The following USP24 variants were observed in gnomAD, a reference collection of about 807,000 sequenced individuals.
The protein encoded by USP24 is ubiquitin carboxyl-terminal hydrolase 24.
Under a neutral mutation model 361.6 loss-of-function variants are expected in USP24, and 97 were observed. That is an observed-to-expected ratio of 0.27 (90% CI 0.23 to 0.32). The LOEUF (loss-of-function observed/expected upper bound fraction) is 0.32. Among genes scored for constraint, USP24 ranks in the 10% least tolerant of loss-of-function variants. The pLI, the probability that USP24 is intolerant of heterozygous loss-of-function variation, is 1.00. For synonymous variants in USP24, 1,098 were observed against 1,124.6 expected (o/e 0.98, Z 0.47); for missense variants, 2,353 against 3,165.6 (o/e 0.74, Z 6.16).
intron 7 of USP24, among the ~76,000 whole-genome samples, chr1:55,165,425 G>A (rs1158539651): frequency 1.3e-5 from 2 of 151,996 alleles, no homozygotes; most frequent in African/African-American, 4.8e-5. Context: ...ATGATTCTAA[G>A]CTCCCATGTT....
intron 1 of USP24, among the ~76,000 whole-genome samples, chr1:55,203,879 C>T (rs138722924): frequency 6.6e-6 from 1 of 152,124 alleles, no homozygotes; most frequent in African/African-American, 2.4e-5. Flanking sequence ...CAATAGACAC[C>T]TAACATTTTC....
intron 1 of USP24, among the ~76,000 whole-genome samples, chr1:55,185,602 C>G: frequency 1.3e-5 from 2 of 152,154 alleles, no homozygotes; most frequent in Non-Finnish European, 2.9e-5. Context: ...GCTCTGTCAT[C>G]CAGGCTGGAG....
intron 39 of USP24, among the ~76,000 whole-genome samples, chr1:55,109,836 CAA>C (rs1645898650): frequency 6.6e-6 from 1 of 152,218 alleles, no homozygotes; most frequent in East Asian, 1.9e-4. Flanking sequence ...CATGCCGCAA[CAA>C]AGAGTCCCTC....
intron 48 of USP24, 111 bp from the exon 49 acceptor site, chr1:55,097,283 C>A: frequency 8.3e-7 from 1 of 1,198,608 alleles, no homozygotes; most frequent in Non-Finnish European, 1.2e-6. Flanking sequence ...AAGCTAGGAA[C>A]AACTACCTCA....
At chr1:55,189,203 G>GGCATAAAAC (rs1644222121) in intron 1 of USP24, among the ~76,000 whole-genome samples, 1 of 152,118 alleles carries the variant, frequency 6.6e-6, no homozygotes, top group East Asian at 1.9e-4. Context: ...ACGTATACAT[G>GGCATAAAAC]AGTGTTCGTG....
chr1:55,210,893 A>G (rs1644831247), intron 1 of USP24, among the ~76,000 whole-genome samples: 1 of 152,218 alleles, frequency 6.6e-6, no homozygotes, highest in Non-Finnish European at 1.5e-5. Flanking sequence ...TAAGAAAGGT[A>G]TTTCCTCAGT....
Position 55,077,300 on chromosome 1 carries a change from T to C in USP24, c.7315A>G (p.Asn2439Asp). Reference sequence around the variant, plus strand: ...TGAGGTGGAGCCGTTTCTAGTTGGTTCTGAAATATTTTTTAAAAGCATAAA... The same window carrying C: ...TGAGGTGGAGCCGTTTCTAGTTGGTCCTGAAATATTTTTTAAAAGCATAAA... ...FSFTMLHFIK[N>D]QLETAPPHEL... Residue 2439 changes from asparagine to aspartate, a missense_variant and splice_region_variant, in exon 62 of 68, where the codon AAC (asparagine) becomes GAC (aspartate). This residue lies in a region of USP24 where 598 missense variants were observed against 761.9 expected (regional missense o/e 0.78). Transcript: ENST00000294383. 1 of 1,554,944 alleles carries C rather than the reference T, an allele frequency of 6.4e-7. No homozygotes were observed. The highest frequency in any genetic ancestry group is 1.2e-5 in the South Asian group (1 of 83,434).
chr1:55,117,111 A>G (rs1434372469), intron 38 of USP24, among the ~76,000 whole-genome samples: 1 of 152,222 alleles, frequency 6.6e-6, no homozygotes, highest in African/African-American at 2.4e-5. Context: ...CAAAGCAGAA[A>G]AAGCATTTGA....
chr1:55,118,126 C>G (rs1041543516), intron 38 of USP24, among the ~76,000 whole-genome samples: 3 of 152,074 alleles, frequency 2.0e-5, no homozygotes, highest in Admixed American at 2.0e-4. Flanking sequence ...ATAGAAAAAC[C>G]CATTCTAAAA....
intron 55 of USP24, among the ~76,000 whole-genome samples, chr1:55,088,759 C>T (rs1645307334): frequency 6.6e-6 from 1 of 152,078 alleles, no homozygotes; most frequent in Non-Finnish European, 1.5e-5. Flanking sequence ...GTTGAACTTC[C>T]AAGGACAAGA....
At chr1:55,118,298 G>T (rs1646179037) in intron 38 of USP24, among the ~76,000 whole-genome samples, 1 of 152,048 alleles carries the variant, frequency 6.6e-6, no homozygotes, top group South Asian at 2.1e-4. Context: ...TAGAAATATA[G>T]AACTCAAAAA....
intron 1 of USP24, among the ~76,000 whole-genome samples, chr1:55,188,093 A>G (rs76731657): frequency 0.016 from 2,406 of 152,308 alleles, 52 homozygotes; most frequent in African/African-American, 0.054. Flanking sequence ...CCTGGTATTT[A>G]TGGTCAATTA....
Position 55,096,585 on chromosome 1 carries a change from T to C in USP24, c.5974A>G (p.Thr1992Ala), listed in dbSNP as rs759766656. 3.7e-6 allele frequency: 6 copies of C among 1,612,904 alleles called. No homozygotes were observed. In the African/African-American group the frequency reaches 8.0e-5, roughly 22 times the overall value. Residue 1992 changes from threonine to alanine, a missense_variant, in exon 50 of 68, where the codon ACA becomes GCA. Thr to Ala is a moderately conservative substitution (Grantham distance 58, BLOSUM62 0). Around this residue, in one of 8 missense-constraint regions of USP24, gnomAD observed 598 missense variants for 761.9 expected, o/e 0.78. Transcript: ENST00000294383. ...TTTAGGTCAAATTCTTCTATAACTG[T>C]GTCATTAAATTTATACCACTTTCCT... is the stretch of plus-strand genomic sequence containing the variant. ...GKGKWYKFND[T>A]VIEEFDLNDE... is the part of the protein sequence containing the mutation.
intron 61 of USP24, 125 bp from the exon 62 acceptor site, chr1:55,077,425 T>C: frequency 1.5e-6 from 1 of 654,642 alleles, no homozygotes; most frequent in East Asian, 3.1e-5. Context: ...CAATACTGCT[T>C]TCTAGGCCTT....
rs1644860852 is a variant in USP24, at chr1:55,068,670, T to C, written c.*375A>G. 5.0e-6 allele frequency: 1 copy of C among 199,586 alleles called. No individual in the cohort carries two copies. The allele number at this position is 199,586 out of a possible 1,614,324, so 12.4% of individuals were successfully genotyped here. On this transcript the variant is annotated 3_prime_UTR_variant, in exon 68 of 68. Transcript: ENST00000294383. ...AAGCAGCTTGCTTTTTCTTAAAATA[T>C]AAAAACCAAAGGAATTTCTTTTGTA... is the stretch of plus-strand genomic sequence containing the variant.
At chr1:55,119,467 CAAA>C (rs964063736) in intron 38 of USP24, among the ~76,000 whole-genome samples, 2 of 151,820 alleles carry the variant, frequency 1.3e-5, no homozygotes, top group Non-Finnish European at 2.9e-5. Context: ...TTTAGGATGG[CAAA>C]AGAGTTTTGG....
chr1:55,208,665 C>T (rs1263395948), intron 1 of USP24, among the ~76,000 whole-genome samples: 3 of 150,984 alleles, frequency 2.0e-5, no homozygotes, highest in African/African-American at 7.3e-5. Context: ...GCGCTGGGCA[C>T]GGTGGTTCAC....
rs116650523 is a variant in USP24 at position 55,136,354 on chromosome 1, G to A, written c.3201+1161C>T. 3.7e-4 allele frequency among the ~76,000 whole-genome samples: 57 copies of A among 152,264 alleles called. 1 individual carries two copies. Among genetic ancestry groups the A allele is most frequent in the African/African-American group, 1.3e-3 (55 of 41,560 alleles). On this transcript the variant is annotated intron_variant, in intron 28 of 67. Coordinates refer to ENST00000294383, the MANE Select transcript of USP24 (RefSeq NM_015306.3). ...GAGACAACCTTGGAGAGGCTCCGGGGGACACATTAGGAAGGCCCTGAAGGT... is the reference window on the plus strand; with the variant it reads ...GAGACAACCTTGGAGAGGCTCCGGGAGACACATTAGGAAGGCCCTGAAGGT...
At chr1:55,177,312 T>C (rs1454588233) in intron 2 of USP24, among the ~76,000 whole-genome samples, 2 of 152,152 alleles carry the variant, frequency 1.3e-5, no homozygotes, top group Non-Finnish European at 2.9e-5. Context: ...CATTTCTTTA[T>C]TAAACTCAAT....
Sources: gnomAD v4.1 joint callset for allele counts (sites outside exome capture counted in the v4.1 genomes callset) on GRCh38, gnomAD v4.1.1 for gene constraint, gnomAD v4.1.1 regional missense constraint, MANE v1.5 for transcripts, NCBI Gene and HGNC (gene_info 2026-07-23, HGNC 2026-07-21) for gene names.